AKR1C1: variants seen among roughly 807,000 people sequenced by gnomAD.
AKR1C1 encodes aldo-keto reductase family 1 member C1.
A neutral mutation model predicts 40.6 loss-of-function variants in AKR1C1; 32 were observed. The observed-to-expected ratio is 0.79, with a 90% CI of 0.60 to 1.06. AKR1C1 has a LOEUF of 1.06. Among genes scored for constraint, AKR1C1 ranks in the 50% least tolerant of loss-of-function variants. The pLI, the probability that AKR1C1 is intolerant of heterozygous loss-of-function variation, is 0.00. For synonymous variants in AKR1C1, 105 were observed against 134.2 expected (o/e 0.78, Z 1.50); for missense variants, 320 against 363.5 (o/e 0.88, Z 0.97).
intron 7 of AKR1C1, among the ~76,000 whole-genome samples, chr10:4,974,554 C>T (rs2131647267): frequency 6.6e-6 from 1 of 151,978 alleles, no homozygotes; most frequent in South Asian, 2.1e-4. Context: ...ATATTCTTTC[C>T]TTATAAATTT....
Position 4,982,864 on chromosome 10 carries a change from T to TA in AKR1C1, c.*5123dup, listed in dbSNP as rs1338773336. The TA allele has an allele frequency of 4.8e-5, 20 of 415,364 alleles. No homozygotes were observed. The highest frequency in any genetic ancestry group is 4.4e-4 in the Admixed American group (17 of 38,882). The allele number at this position is 415,364 out of a possible 1,614,324, so 25.7% of individuals were successfully genotyped here. ...AAAATGCCTGCATGAGCTCAGCTGT[T>TA]ACCACTGCGTACCACACCCTGACCA... On this transcript the variant is annotated 3_prime_UTR_variant, in exon 9 of 9. Coordinates refer to ENST00000380872, the MANE Select transcript of AKR1C1 (RefSeq NM_001353.6).
In AKR1C1 at chr10:4,968,171, C is replaced by T. The variant is rs1836359140; in HGVS notation, c.370-138C>T. 3.4e-6 allele frequency: 4 copies of T among 1,163,818 alleles called. No homozygotes were observed. In the East Asian group the frequency reaches 7.2e-5, roughly 21 times the overall value. 72.1% of individuals were successfully genotyped at this position (1,163,818 alleles called of 1,614,324 possible). A position where few individuals can be genotyped will look rare whatever the true frequency, so the allele number is the denominator to read the frequency against. ...ATTCCTTATACCTTCATATGTAGTA[C>T]ACTCTGTACATACCACTCTCTGGAG... On this transcript the variant is annotated intron_variant, in intron 3 of 8. Coordinates refer to ENST00000380872, the MANE Select transcript of AKR1C1 (RefSeq NM_001353.6).
At chr10:4,974,728 G>A (rs781879783) in intron 7 of AKR1C1, among the ~76,000 whole-genome samples, 2 of 151,994 alleles carry the variant, frequency 1.3e-5, no homozygotes, top group Non-Finnish European at 2.9e-5. Flanking sequence ...TATATGAAAT[G>A]TCCATGAGCA....
In AKR1C1 at chr10:4,979,386, G is replaced by T. The variant is rs1220597503; in HGVS notation, c.*1644G>T. On this transcript the variant is annotated 3_prime_UTR_variant, in exon 9 of 9. Transcript: ENST00000380872. ...CACAATGTGAACTCTGCATCTCCAT[G>T]TTAAAGTCTAATGGACATTCACACT... The T allele has an allele frequency of 1.7e-4, 26 of 152,202 alleles. No homozygotes were observed. Among genetic ancestry groups the T allele is most frequent in the African/African-American group, 5.8e-4 (24 of 41,518 alleles). The allele number at this position is 152,202 out of a possible 1,614,324, so 9.4% of individuals were successfully genotyped here. A position where few individuals can be genotyped will look rare whatever the true frequency, so the allele number is the denominator to read the frequency against.
At chr10:4,964,816 C>T (rs552234580) in intron 1 of AKR1C1, among the ~76,000 whole-genome samples, 20 of 152,086 alleles carry the variant, frequency 1.3e-4, no homozygotes, top group Non-Finnish European at 2.8e-4. Flanking sequence ...TCTGTCATGC[C>T]GACAGAATGG....
rs1165977831 is a variant in AKR1C1, at chr10:4,979,338, CT to C, written c.*1597del. 6.6e-6 allele frequency: 1 copy of C among 152,124 alleles called. No homozygotes were observed. The highest frequency in any genetic ancestry group is 2.4e-5 in the African/African-American group (1 of 41,418). The allele number at this position is 152,124 out of a possible 1,614,324, so 9.4% of individuals were successfully genotyped here. On this transcript the variant is annotated 3_prime_UTR_variant, in exon 9 of 9. Coordinates refer to ENST00000380872, the MANE Select transcript of AKR1C1 (RefSeq NM_001353.6). ...AAAATATTTCTAGCTCAGATTTTTC[CT>C]CCAAATTCTGCAATAGAAGATCACA... is the stretch of plus-strand genomic sequence containing the variant.
At chr10:4,973,305 C>T (rs1836468897) in intron 7 of AKR1C1, among the ~76,000 whole-genome samples, 1 of 151,878 alleles carries the variant, frequency 6.6e-6, no homozygotes, top group African/African-American at 2.4e-5. Context: ...CTCAAGGTTC[C>T]ATGGTTAGAA....
At chr10:4,968,724 C>G (rs1836368776) in intron 4 of AKR1C1, 98 bp from the exon 5 acceptor site, 2 of 1,572,094 alleles carry the variant, frequency 1.3e-6, no homozygotes, top group Admixed American at 3.6e-5. Context: ...AGAACCACGG[C>G]TAGCTAGTTT....
chr10:4,969,966 C>G (rs1470362073), intron 5 of AKR1C1: 3 of 445,422 alleles, frequency 6.7e-6, no homozygotes, highest in Non-Finnish European at 1.2e-5. Flanking sequence ...ACTAGTAGTT[C>G]CCCAATTTTT....
chr10:4,967,441 T>C, intron 3 of AKR1C1: 1 of 1,001,412 alleles, frequency 1.0e-6, no homozygotes, highest in Non-Finnish European at 1.2e-6. Flanking sequence ...TTCTTGCCTC[T>C]TTTTAAGGGG....
intron 7 of AKR1C1, among the ~76,000 whole-genome samples, chr10:4,972,994 C>T (rs572621924): frequency 6.6e-6 from 1 of 152,304 alleles, no homozygotes; most frequent in Non-Finnish European, 1.5e-5. Context: ...ATATCCATAT[C>T]CCTCTGCTGG....
At chr10:4,967,350 G>T (rs1836349566) in intron 3 of AKR1C1, 1 of 1,104,006 alleles carries the variant, frequency 9.1e-7, no homozygotes, top group Non-Finnish European at 1.1e-6. Flanking sequence ...CACCTCTTGG[G>T]ATGTTCACAG....
rs1344076147 is a variant in AKR1C1 at position 4,967,012 on chromosome 10, T to G, written c.338T>G (p.Leu113Arg). The G allele has an allele frequency of 1.2e-6, 2 of 1,613,922 alleles. No individual in the cohort carries two copies. Among genetic ancestry groups the G allele is most frequent in the African/African-American group, 2.7e-5 (2 of 75,052 alleles). The stretch of plus-strand genomic sequence containing the variant: ...AATCTTCAATTGGATTATGTTGACC[T>G]CTACCTTATTCATTTTCCAGTGTCT... ...LKNLQLDYVD[L>R]YLIHFPVSVK... The change falls in exon 3 of 9, where the codon CTC becomes CGC. Residue 113 changes from leucine to arginine, a missense_variant. By Grantham distance (102) the Leu-to-Arg change is moderately radical. Around this residue, in one of 3 missense-constraint regions of AKR1C1, gnomAD observed 214 missense variants for 214.8 expected, o/e 1.00. Coordinates refer to ENST00000380872, the MANE Select transcript of AKR1C1 (RefSeq NM_001353.6).
chr10:4,971,128 A>G (rs1259334605), intron 5 of AKR1C1, among the ~76,000 whole-genome samples: 1 of 151,966 alleles, frequency 6.6e-6, no homozygotes, highest in African/African-American at 2.4e-5. Context: ...CAGTGATTTG[A>G]ACTTTTTTCT....
At chr10:4,965,553 C>T in intron 1 of AKR1C1, 1 of 163,026 alleles carries the variant, frequency 6.1e-6, no homozygotes, top group Non-Finnish European at 1.3e-5. Context: ...TGTGAGCCGC[C>T]ACGCCTGGCC....
Position 4,978,749 on chromosome 10 carries a change from T to C in AKR1C1, c.*1007T>C, listed in dbSNP as rs1554770772. The C allele has an allele frequency of 6.6e-6, 1 of 152,166 alleles. No individual in the cohort carries two copies. The highest frequency in any genetic ancestry group is 1.5e-5 in the Non-Finnish European group (1 of 68,028). The allele number at this position is 152,166 out of a possible 1,614,324, so 9.4% of individuals were successfully genotyped here. On this transcript the variant is annotated 3_prime_UTR_variant, in exon 9 of 9. Coordinates refer to ENST00000380872, the MANE Select transcript of AKR1C1 (RefSeq NM_001353.6). ...TGGCACTCAAGATTAAAATGGGAAA[T>C]AATACATCTAATAAATCAAATGTTC...
chr10:4,967,174 T>G, intron 3 of AKR1C1, 131 bp downstream of exon 3: 1 of 1,041,702 alleles, frequency 9.6e-7, no homozygotes, highest in South Asian at 1.7e-5. Flanking sequence ...ATCCTAAATC[T>G]AACTCCTAAT....
chr10:4,964,950 G>A (rs866743455), intron 1 of AKR1C1, among the ~76,000 whole-genome samples: 19 of 152,210 alleles, frequency 1.2e-4, no homozygotes, highest in African/African-American at 3.6e-4. Context: ...TGATAAGAAT[G>A]GTGGCTGTAA....
At chr10:4,965,802 G>C in intron 1 of AKR1C1, 112 bp from the exon 2 acceptor site, 1 of 1,271,042 alleles carries the variant, frequency 7.9e-7, no homozygotes, top group East Asian at 2.4e-5. Context: ...TCTACATACA[G>C]AACTCATCCA....
Sources: gnomAD v4.1 joint callset for allele counts (sites outside exome capture counted in the v4.1 genomes callset) on GRCh38, gnomAD v4.1.1 for gene constraint, gnomAD v4.1.1 regional missense constraint, MANE v1.5 for transcripts, NCBI Gene and HGNC (gene_info 2026-07-23, HGNC 2026-07-21) for gene names.